The following RIF1 variants were observed in gnomAD, a reference collection of about 807,000 sequenced individuals.
RIF1 encodes the protein telomere-associated protein RIF1.
A neutral mutation model predicts 247.1 loss-of-function variants in RIF1; 45 were observed. That is an observed-to-expected ratio of 0.18 (90% CI 0.14 to 0.23). RIF1 has a LOEUF of 0.23. Among genes scored for constraint, RIF1 ranks in the 10% least tolerant of loss-of-function variants. The pLI is 1.00. For missense variants in RIF1, 2,967 were observed against 2,862.5 expected (o/e 1.04, Z -0.83); for synonymous variants, 1,087 against 978.8 (o/e 1.11, Z -2.06).
rs781667750 is a variant in RIF1 at position 151,428,964 on chromosome 2, T to C, written c.925+42T>C. ...CAATTTTGATTTTCTGTGAATTTGT[T>C]TTGCTTAAAGCAAGATAAATGAAGT... On this transcript the variant is annotated intron_variant, in intron 9 of 35. Coordinates refer to ENST00000444746, the MANE Select transcript of RIF1 (RefSeq NM_018151.5). 2.3e-6 allele frequency: 3 copies of C among 1,296,902 alleles called. No homozygotes were observed. In the African/African-American group the frequency reaches 4.4e-5, roughly 19 times the overall value. 80.3% of individuals were successfully genotyped at this position (1,296,902 alleles called of 1,614,324 possible). A position where few individuals can be genotyped will look rare whatever the true frequency, so the allele number is the denominator to read the frequency against.
In RIF1 at chr2:151,445,451, G is replaced by A. The variant is rs768316596; in HGVS notation, c.2094+6G>A. ...CAGAACAGAGATTTCCAGTGGTAAG[G>A]CATTGTCAAGTATTGATTTCCGAGG... On this transcript the variant is annotated splice_donor_region_variant and intron_variant, in intron 19 of 35. Transcript: ENST00000444746. 3.8e-6 allele frequency: 5 copies of A among 1,329,028 alleles called. No individual in the cohort carries two copies. In the East Asian group the frequency reaches 1.1e-4, roughly 31 times the overall value. The allele number at this position is 1,329,028 out of a possible 1,614,324, so 82.3% of individuals were successfully genotyped here.
At position 151,469,881 on chromosome 2, in the gene RIF1, T is replaced by C; in HGVS notation, c.7095+17T>C. On this transcript the variant is annotated intron_variant, in intron 34 of 35. Coordinates refer to ENST00000444746, the MANE Select transcript of RIF1 (RefSeq NM_018151.5). ...GAGCAGCAGGTAAAAACTTAGATATTAGCTATGATGTATATTAATAAATGA... is the reference window on the plus strand; with the variant it reads ...GAGCAGCAGGTAAAAACTTAGATATCAGCTATGATGTATATTAATAAATGA... 6.4e-7 allele frequency: 1 copy of C among 1,565,534 alleles called. No individual in the cohort carries two copies. Among genetic ancestry groups the C allele is most frequent in the Non-Finnish European group, 8.7e-7 (1 of 1,149,092 alleles).
intron 11 of RIF1, chr2:151,503,017 T>TTTTAC: frequency 1.6e-6 from 1 of 620,560 alleles, no homozygotes; most frequent in East Asian, 2.8e-5. Context: ...AGGATAATGT[T>TTTTAC]TTTACTTTTT....
rs1695469901 is a variant in RIF1 at position 151,457,915 on chromosome 2, A to G, written c.2807A>G (p.Asn936Ser). The G allele has an allele frequency of 6.2e-7, 1 of 1,613,822 alleles. No individual in the cohort carries two copies. Among genetic ancestry groups the G allele is most frequent in the African/African-American group, 1.3e-5 (1 of 74,922 alleles). Residue 936 changes from asparagine (N) to serine (S), a missense_variant, in exon 24 of 36, where the codon AAT becomes AGT. Around this residue, in one of 7 missense-constraint regions of RIF1, gnomAD observed 2,028 missense variants for 1,825.6 expected, o/e 1.11. Coordinates refer to ENST00000444746, the MANE Select transcript of RIF1 (RefSeq NM_018151.5). ...CGAAAACAGAGTGCTCAGTTCTGGAATGCCACTTTTGCCAAAGTGATGATG... is the reference window on the plus strand; with the variant it reads ...CGAAAACAGAGTGCTCAGTTCTGGAGTGCCACTTTTGCCAAAGTGATGATG... ...QIRKQSAQFW[N>S]ATFAKVMMLV...
rs757469686 is a variant in RIF1 at position 151,440,443 on chromosome 2, G to C, written c.1647+316G>C. Among the ~76,000 whole-genome samples, 27 of 152,136 alleles carry C rather than the reference G, an allele frequency of 1.8e-4. 1 individual carries two copies. The highest frequency in any genetic ancestry group is 3.8e-4 in the Non-Finnish European group (26 of 68,038). On this transcript the variant is annotated intron_variant, in intron 15 of 35. Transcript: ENST00000444746. ...CAGATGTCCTTTAATTTTATGACAA[G>C]ATTGCTGAAAACTACTAATAGTTGG...
intron 8 of RIF1, among the ~76,000 whole-genome samples, chr2:151,427,199 T>A (rs1275640915): frequency 6.6e-6 from 1 of 152,032 alleles, no homozygotes; most frequent in African/African-American, 2.4e-5. Flanking sequence ...TTCCATTTTG[T>A]ACTTTATTTT....
rs140349280 is a variant in RIF1, at chr2:151,437,261, A to G, written c.1393A>G (p.Ile465Val). 2.4e-5 allele frequency: 39 copies of G among 1,613,106 alleles called. No individual in the cohort carries two copies. The African/African-American group carries it at 3.9e-4, about 16-fold the overall frequency. Residue 465 changes from isoleucine to valine, a missense_variant, in exon 13 of 36, where the codon ATC becomes GTC. By Grantham distance (29) the Ile-to-Val change is conservative. Coordinates refer to ENST00000444746, the MANE Select transcript of RIF1 (RefSeq NM_018151.5). ...TTCAGAGCCATTGGAACATCCGTTAATCAGCAGCCCTTCCTTTTTTTCCAA... is the reference window on the plus strand; with the variant it reads ...TTCAGAGCCATTGGAACATCCGTTAGTCAGCAGCCCTTCCTTTTTTTCCAA... Reference protein sequence around the residue: ...LSLEPLEHPLISSPSFFSKHA... With the variant: ...LSLEPLEHPLVSSPSFFSKHA...
chr2:151,463,028 A>G lies in RIF1; in HGVS notation c.3508A>G (p.Asn1170Asp), dbSNP rs1419190690. The G allele has an allele frequency of 1.2e-6, 2 of 1,613,810 alleles. No individual in the cohort carries two copies. Among genetic ancestry groups the G allele is most frequent in the Non-Finnish European group, 1.7e-6 (2 of 1,179,840 alleles). ...KTSPEMSNSN[N>D]DERKKALISS... ...CAGTCCAGAAATGTCAAACAGTAAT[A>G]ATGATGAAAGAAAAAAAGCTTTAAT... The change falls in exon 30 of 36, where the codon AAT becomes GAT. Residue 1170 changes from asparagine to aspartate, a missense_variant. Coordinates refer to ENST00000444746, the MANE Select transcript of RIF1 (RefSeq NM_018151.5).
chr2:151,426,168 ATTTTTTT>A (rs35001554), intron 8 of RIF1, among the ~76,000 whole-genome samples: 4 of 58,214 alleles, frequency 6.9e-5, no homozygotes, highest in Non-Finnish European at 1.2e-4. Context: ...TTGGCTTTTA[ATTTTTTT>A]TTTTTTTTTT....
chr2:151,447,511 G>C (rs934725035), intron 20 of RIF1, among the ~76,000 whole-genome samples: 3 of 152,108 alleles, frequency 2.0e-5, no homozygotes, highest in African/African-American at 7.2e-5. Flanking sequence ...GTATTCTGTA[G>C]TATGGTTGTA....
At chr2:151,493,367 C>G in intron 9 of RIF1, 1 of 1,611,614 alleles carries the variant, frequency 6.2e-7, no homozygotes, top group Non-Finnish European at 8.5e-7. Context: ...CTAATGTTTT[C>G]TTGGTTGCGC....
chr2:151,496,975 T>A, intron 10 of RIF1: 1 of 1,581,408 alleles, frequency 6.3e-7, no homozygotes, highest in Non-Finnish European at 8.6e-7. Flanking sequence ...TTTGACTCTC[T>A]CCATCTCAGG....
In RIF1 at chr2:151,478,231, A is replaced by G. The variant is rs757872802; in HGVS notation, c.*3160A>G. On this transcript the variant is annotated 3_prime_UTR_variant, in exon 36 of 36. Coordinates refer to ENST00000444746, the MANE Select transcript of RIF1 (RefSeq NM_018151.5). The stretch of plus-strand genomic sequence containing the variant: ...GCAAAAACAGGATTTAAACCCGCAC[A>G]TTAAAAGCATGACTGAAGGCCCGGC... 2 of 152,248 alleles carry G rather than the reference A, an allele frequency of 1.3e-5. No individual in the cohort carries two copies. The highest frequency in any genetic ancestry group is 2.9e-5 in the Non-Finnish European group (2 of 68,060). The allele number at this position is 152,248 out of a possible 1,614,324, so 9.4% of individuals were successfully genotyped here.
intron 12 of RIF1, among the ~76,000 whole-genome samples, chr2:151,505,122 G>A (rs1180242950): frequency 6.6e-6 from 1 of 152,096 alleles, no homozygotes; most frequent in Non-Finnish European, 1.5e-5. Context: ...ATGTTTATAT[G>A]TATATGCTTT....
At chr2:151,436,675 A>C in intron 11 of RIF1, 152 bp from the exon 12 acceptor site, 1 of 551,018 alleles carries the variant, frequency 1.8e-6, no homozygotes, top group Non-Finnish European at 3.1e-6. Context: ...TTGTTACAGA[A>C]TACCTGCATA....
chr2:151,513,691 T>C, the RIF1 span: 2 of 1,590,198 alleles, frequency 1.3e-6, no homozygotes, highest in Non-Finnish European at 1.7e-6. Flanking sequence ...GCTTATATTC[T>C]TTCTATAGTA....
downstream of RIF1, among the ~76,000 whole-genome samples, chr2:151,484,590 T>TC (rs2049392201): frequency 6.6e-6 from 1 of 152,234 alleles, no homozygotes; most frequent in Non-Finnish European, 1.5e-5. Context: ...AGGGAGACTC[T>TC]GTCTCCAAAC....
intron 29 of RIF1, 94 bp downstream of exon 29, chr2:151,462,560 A>G: frequency 7.6e-6 from 6 of 789,994 alleles, no homozygotes; most frequent in Non-Finnish European, 1.2e-5. Flanking sequence ...TCTTCCCTTT[A>G]TTAATTTTAA....
chr2:151,438,213 C>T (rs1333920715), intron 13 of RIF1, among the ~76,000 whole-genome samples: 1 of 152,154 alleles, frequency 6.6e-6, no homozygotes, highest in South Asian at 2.1e-4. Flanking sequence ...CATGGTAGCG[C>T]ATGCCTGTAA....
Sources: gnomAD v4.1 joint callset for allele counts (sites outside exome capture counted in the v4.1 genomes callset) on GRCh38, gnomAD v4.1.1 for gene constraint, gnomAD v4.1.1 regional missense constraint, MANE v1.5 for transcripts, NCBI Gene and HGNC (gene_info 2026-07-23, HGNC 2026-07-21) for gene names.